Variants in SNAP25 observed in about 807,000 individuals in gnomAD.
The protein encoded by SNAP25 is synaptosomal-associated protein 25.
Under a neutral mutation model 28.7 loss-of-function variants are expected in SNAP25, and 3 were observed. The observed-to-expected ratio is 0.10, with a 90% CI of 0.05 to 0.27. The LOEUF is 0.27. Among genes scored for constraint, SNAP25 ranks in the 10% least tolerant of loss-of-function variants. The pLI is 1.00. For missense variants in SNAP25, 117 were observed against 278.7 expected (o/e 0.42, Z 4.13); for synonymous variants, 61 against 88.1 (o/e 0.69, Z 1.72).
chr20:10,266,549 G>C (rs970416006), intron 1 of SNAP25, among the ~76,000 whole-genome samples: 1 of 152,194 alleles, frequency 6.6e-6, no homozygotes, highest in Non-Finnish European at 1.5e-5. Context: ...TGTTGTTGCT[G>C]TTGTTTTGGT....
intron 1 of SNAP25, among the ~76,000 whole-genome samples, chr20:10,235,910 A>C (rs1316440294): frequency 6.6e-6 from 1 of 152,248 alleles, no homozygotes; most frequent in Admixed American, 6.5e-5. Context: ...GTACCTTCCA[A>C]GTCTTTGTTG....
intron 1 of SNAP25, among the ~76,000 whole-genome samples, chr20:10,236,413 A>T (rs1189428280): frequency 6.9e-6 from 1 of 145,336 alleles, no homozygotes. Flanking sequence ...GCAGGAGGGG[A>T]TCAGCATCTT....
chr20:10,235,997 A>T (rs1481598232), intron 1 of SNAP25, among the ~76,000 whole-genome samples: 1 of 152,232 alleles, frequency 6.6e-6, no homozygotes, highest in Non-Finnish European at 1.5e-5. Context: ...AAGGGGGATT[A>T]TGGATTTTGG....
At chr20:10,245,156 A>G (rs1346501975) in intron 1 of SNAP25, among the ~76,000 whole-genome samples, 1 of 152,200 alleles carries the variant, frequency 6.6e-6, no homozygotes, top group East Asian at 1.9e-4. Flanking sequence ...CATCCTCTAC[A>G]AAAGCCAGCT....
Position 10,280,424 on chromosome 20 carries a change from A to T in SNAP25, c.114+2698A>T, listed in dbSNP as rs139563859. 5.5e-3 allele frequency among the ~76,000 whole-genome samples: 838 copies of T among 152,354 alleles called. 7 individuals are homozygous for T. The highest frequency in any genetic ancestry group is 0.019 in the African/African-American group (780 of 41,574). Reference sequence around the variant, plus strand: ...TCTCTTTTGGTGAATGCATTTCAACAAATATTCACAGAATGCCTAACTCCG... The same window carrying T: ...TCTCTTTTGGTGAATGCATTTCAACTAATATTCACAGAATGCCTAACTCCG... On this transcript the variant is annotated intron_variant, in intron 3 of 7. Transcript: ENST00000254976.
At chr20:10,275,104 A>AATAC (rs2063667321) in intron 1 of SNAP25, among the ~76,000 whole-genome samples, 2 of 151,510 alleles carry the variant, frequency 1.3e-5, no homozygotes, top group Admixed American at 6.6e-5. Flanking sequence ...TAAATAAATA[A>AATAC]ATAAATAAAT....
intron 1 of SNAP25, among the ~76,000 whole-genome samples, chr20:10,238,905 A>AAATAATAATAATAATAAT (rs199598399): frequency 0.04 from 5,997 of 149,276 alleles, 347 homozygotes; most frequent in African/African-American, 0.13. Context: ...ACTCCGTTTC[A>AAATAATAATAATAATAAT]AATAATAATA....
chr20:10,292,784 T>C, intron 4 of SNAP25: 1 of 767,408 alleles, frequency 1.3e-6, no homozygotes, highest in African/African-American at 1.7e-5. Flanking sequence ...CATTGTAATA[T>C]CTCTCTTTCA....
At chr20:10,267,571 T>G (rs996405744) in intron 1 of SNAP25, among the ~76,000 whole-genome samples, 43 of 152,326 alleles carry the variant, frequency 2.8e-4, no homozygotes, top group Admixed American at 2.5e-3. Flanking sequence ...TTTGTTTTTT[T>G]GAGACAGAGT....
intron 1 of SNAP25, among the ~76,000 whole-genome samples, chr20:10,234,016 GA>G (rs1166131870): frequency 1.3e-5 from 2 of 152,140 alleles, no homozygotes; most frequent in Non-Finnish European, 2.9e-5. Flanking sequence ...AATCATTTCT[GA>G]AGTTCTCCTT....
At chr20:10,248,741 C>A (rs1470723062) in intron 1 of SNAP25, among the ~76,000 whole-genome samples, 2 of 152,198 alleles carry the variant, frequency 1.3e-5, no homozygotes, top group Admixed American at 1.3e-4. Context: ...CCCTTAAAAT[C>A]TGTACTATTG....
intron 7 of SNAP25, among the ~76,000 whole-genome samples, chr20:10,301,910 T>C (rs1360227105): frequency 6.8e-6 from 1 of 147,420 alleles, no homozygotes; most frequent in Non-Finnish European, 1.5e-5. Flanking sequence ...ATGGTTATTA[T>C]ATATATATAA....
At chr20:10,297,076 A>G in intron 6 of SNAP25, 26 bp downstream of exon 6, 1 of 1,535,360 alleles carries the variant, frequency 6.5e-7, no homozygotes, top group South Asian at 1.3e-5. Flanking sequence ...CATACACTGT[A>G]GCAGTTCTCT....
In SNAP25 at chr20:10,293,031, C is replaced by G. The variant is rs748921147; in HGVS notation, c.164-130C>G. On this transcript the variant is annotated intron_variant, in intron 4 of 7. Transcript: ENST00000254976. The surrounding 1 kb of genome is among the most constrained non-coding windows in gnomAD (Gnocchi z 5.6). ...ACTGGGTACCAGCTCTAATCTGTGG[C>G]GTCCAGTTTTCTTTCTTTTTTTTTT... 1.4e-6 allele frequency: 2 copies of G among 1,451,230 alleles called. No homozygotes were observed. Among genetic ancestry groups the G allele is most frequent in the Non-Finnish European group, 1.9e-6 (2 of 1,062,934 alleles). 89.9% of individuals were successfully genotyped at this position (1,451,230 alleles called of 1,614,324 possible).
chr20:10,268,115 G>A (rs199718225), intron 1 of SNAP25, among the ~76,000 whole-genome samples: 1 of 152,150 alleles, frequency 6.6e-6, no homozygotes, highest in South Asian at 2.1e-4. Flanking sequence ...CAAGCCCTCC[G>A]TAAGTGTTAG....
intron 1 of SNAP25, among the ~76,000 whole-genome samples, chr20:10,223,385 G>A (rs1355109123): frequency 6.6e-6 from 1 of 152,170 alleles, no homozygotes; most frequent in Non-Finnish European, 1.5e-5. Context: ...GGCAACGGTA[G>A]ATACAGATTT....
At chr20:10,228,712 G>T in intron 1 of SNAP25, among the ~76,000 whole-genome samples, 1 of 152,144 alleles carries the variant, frequency 6.6e-6, no homozygotes, top group Non-Finnish European at 1.5e-5. Flanking sequence ...ACCTAAAGGA[G>T]CTAATGCTTG....
At chr20:10,304,192 TCAGA>T (rs2064302489) in intron 7 of SNAP25, among the ~76,000 whole-genome samples, 1 of 152,236 alleles carries the variant, frequency 6.6e-6, no homozygotes, top group African/African-American at 2.4e-5. Flanking sequence ...TACTAAGACT[TCAGA>T]CAAATTCCCC....
At chr20:10,282,617 G>C (rs1045754299) in intron 3 of SNAP25, among the ~76,000 whole-genome samples, 18 of 152,188 alleles carry the variant, frequency 1.2e-4, no homozygotes, top group African/African-American at 2.4e-4. Flanking sequence ...ACAGATGAGG[G>C]CTGGACTGAC....
Sources: allele counts gnomAD v4.1 joint callset (sites outside exome capture counted in the v4.1 genomes callset), GRCh38; gene constraint gnomAD v4.1.1; non-coding constraint Gnocchi (gnomAD v3.1); transcripts MANE v1.5; gene names NCBI Gene and HGNC (gene_info 2026-07-23, HGNC 2026-07-21).